HKDC1: variants seen among roughly 807,000 people sequenced by gnomAD.
The protein encoded by HKDC1 is hexokinase domain containing 1, also known as hexokinase HKDC1.
HKDC1 carries 66 observed loss-of-function variants against 96.6 expected under a neutral mutation model. The ratio of observed to expected loss-of-function variants is 0.68; its 90% CI spans 0.56 to 0.84. HKDC1 has a LOEUF of 0.84. Among genes scored for constraint, HKDC1 ranks in the 40% least tolerant of loss-of-function variants. The pLI is 0.00. For synonymous variants in HKDC1, 466 were observed against 473.1 expected, an observed-to-expected ratio of 0.98 and a Z score of 0.20; for missense variants, 1,211 against 1,208.1, an observed-to-expected ratio of 1.00 and a Z score of -0.04.
At chr10:69,259,856 T>A (rs935367238) in intron 15 of HKDC1, among the ~76,000 whole-genome samples, 3 of 152,172 alleles carry the variant, frequency 2.0e-5, no homozygotes, top group Non-Finnish European at 4.4e-5. Context: ...ACCCCCATGA[T>A]CCAGTCACCT....
chr10:69,245,937 C>A, intron 7 of HKDC1, 142 bp from the exon 8 acceptor site: 1 of 1,003,556 alleles, frequency 1.0e-6, no homozygotes, highest in Non-Finnish European at 1.5e-6. Context: ...TTCTTGCCAT[C>A]CAGCACTTTG....
At position 69,256,971 on chromosome 10, in the gene HKDC1, T is replaced by C. The variant is rs1202310848; in HGVS notation, c.1837-65T>C. Reference sequence around the variant, plus strand: ...GCTATAGTGCTTTGCATCTGTTGGATGTTGAGGTTGTGCAGTGGCCCTAGC... The same window carrying C: ...GCTATAGTGCTTTGCATCTGTTGGACGTTGAGGTTGTGCAGTGGCCCTAGC... On this transcript the variant is annotated intron_variant, in intron 12 of 17. Transcript: ENST00000354624. 36 of 1,181,974 alleles carry C rather than the reference T, an allele frequency of 3.0e-5. No individual in the cohort carries two copies. The Admixed American group carries it at 5.3e-4, about 17-fold the overall frequency. The allele number at this position is 1,181,974 out of a possible 1,614,324, so 73.2% of individuals were successfully genotyped here.
chr10:69,261,278 C>T lies in HKDC1; in HGVS notation c.2356C>T (p.Leu786=). ...CAGGGGCATCTTCGAAACCAAGTTC[C>T]TGTCCCAGATCGAAAGGTGACCTGT... ...RTRGIFETKF[L]SQIESDRLAL... The change falls in exon 16 of 18, where the codon CTG becomes TTG. Residue 786 remains leucine, a synonymous_variant. Coordinates refer to ENST00000354624, the MANE Select transcript of HKDC1 (RefSeq NM_025130.4). 6.2e-7 allele frequency: 1 copy of T among 1,614,078 alleles called. No individual in the cohort carries two copies.
intron 2 of HKDC1, among the ~76,000 whole-genome samples, chr10:69,230,321 G>A (rs550050974): frequency 1.2e-3 from 181 of 152,318 alleles, no homozygotes; most frequent in African/African-American, 4.1e-3. Context: ...AGGCCAAATA[G>A]GCCTTGGGGG....
In HKDC1 at chr10:69,267,080, G is replaced by A. The variant is rs1246157750; in HGVS notation, c.*323G>A. The A allele has an allele frequency of 1.7e-5, 4 of 237,760 alleles. No individual in the cohort carries two copies. The highest frequency in any genetic ancestry group is 3.3e-5 in the Non-Finnish European group (4 of 122,620). 14.7% of individuals were successfully genotyped at this position (237,760 alleles called of 1,614,324 possible). On this transcript the variant is annotated 3_prime_UTR_variant, in exon 18 of 18. Transcript: ENST00000354624. ...CTATGGCTTTCAGTCTTGTGGCTGCGGGACTTGGAAATATATAGAATCTGC... is the reference window on the plus strand; with the variant it reads ...CTATGGCTTTCAGTCTTGTGGCTGCAGGACTTGGAAATATATAGAATCTGC...
Position 69,247,706 on chromosome 10 carries a change from T to C in HKDC1, c.1265+113T>C, listed in dbSNP as rs546081827. On this transcript the variant is annotated intron_variant, in intron 9 of 17. Transcript: ENST00000354624. ...GGTCTGGAACCAACAACCCCTCTTGTTGGTTCTGAGATTACAAGGGAAAAG... is the reference window on the plus strand; with the variant it reads ...GGTCTGGAACCAACAACCCCTCTTGCTGGTTCTGAGATTACAAGGGAAAAG... 4.6e-4 allele frequency: 358 copies of C among 784,838 alleles called. 1 individual carries two copies. In the African/African-American group the frequency reaches 5.2e-3, roughly 12 times the overall value. 48.6% of individuals were successfully genotyped at this position (784,838 alleles called of 1,614,324 possible). A position where few individuals can be genotyped will look rare whatever the true frequency, so the allele number is the denominator to read the frequency against.
intron 12 of HKDC1, among the ~76,000 whole-genome samples, chr10:69,253,938 G>C (rs1843681873): frequency 1.3e-5 from 2 of 152,184 alleles, no homozygotes; most frequent in Non-Finnish European, 2.9e-5. Flanking sequence ...ATTTATGGTA[G>C]AACTCTGGTC....
At chr10:69,222,216 C>T (rs984756794) in intron 1 of HKDC1, among the ~76,000 whole-genome samples, 5 of 152,138 alleles carry the variant, frequency 3.3e-5, no homozygotes, top group Admixed American at 1.3e-4. Context: ...AATGAGACTC[C>T]GTCTCAAAAC....
chr10:69,221,958 A>G (rs1843072928), intron 1 of HKDC1, among the ~76,000 whole-genome samples: 1 of 152,260 alleles, frequency 6.6e-6, no homozygotes, highest in Admixed American at 6.5e-5. Context: ...ATGGTGGCTC[A>G]TACCTATAAT....
At chr10:69,257,776 T>C (rs1252654774) in intron 14 of HKDC1, among the ~76,000 whole-genome samples, 3 of 152,150 alleles carry the variant, frequency 2.0e-5, no homozygotes, top group Admixed American at 1.3e-4. Flanking sequence ...TGTGTGCCTC[T>C]TCTGTTCTCT....
chr10:69,248,415 CT>C lies in HKDC1; in HGVS notation c.1266-8del. ...ATTGCTAAATATTTTGCCATCACCC[CT>C]GCTTCAGGTACCCAAAACGCCTGCA... is the stretch of plus-strand genomic sequence containing the variant. On this transcript the variant is annotated splice_polypyrimidine_tract_variant and splice_region_variant and intron_variant, in intron 9 of 17. Transcript: ENST00000354624. 1.3e-6 allele frequency: 2 copies of C among 1,542,050 alleles called. No individual in the cohort carries two copies. The highest frequency in any genetic ancestry group is 1.8e-6 in the Non-Finnish European group (2 of 1,142,312).
At chr10:69,258,733 G>T in intron 14 of HKDC1, 43 bp from the exon 15 acceptor site, 1 of 1,597,256 alleles carries the variant, frequency 6.3e-7, no homozygotes, top group Non-Finnish European at 8.6e-7. Context: ...CTAAAACCTG[G>T]TGATGTCTTT....
chr10:69,232,423 G>A, intron 2 of HKDC1: 1 of 238,698 alleles, frequency 4.2e-6, no homozygotes, highest in Non-Finnish European at 8.2e-6. Flanking sequence ...TCCCAGTGAT[G>A]GCATCCCAGG....
rs1179089387 is a variant in HKDC1, at chr10:69,244,566, A to G, written c.875+1201A>G. 2.6e-5 allele frequency among the ~76,000 whole-genome samples: 4 copies of G among 152,182 alleles called. No homozygotes were observed. In the East Asian group the frequency reaches 7.7e-4, roughly 29 times the overall value. ...CCTGGTGGCTCATGCGTGTAATCCC[A>G]GCACTTTGGGAGGCTGAGGTGGGAG... On this transcript the variant is annotated intron_variant, in intron 7 of 17. Coordinates refer to ENST00000354624, the MANE Select transcript of HKDC1 (RefSeq NM_025130.4).
rs944481888 is a variant in HKDC1, at chr10:69,235,408, C to T, written c.495+2275C>T. On this transcript the variant is annotated intron_variant, in intron 4 of 17. Coordinates refer to ENST00000354624, the MANE Select transcript of HKDC1 (RefSeq NM_025130.4). ...CTGCATTCCAGCCTGGGTGACAGCG[C>T]GAGACTCTGTCAGAAACAAACAAAC... 5.3e-5 allele frequency among the ~76,000 whole-genome samples: 8 copies of T among 151,684 alleles called. No individual in the cohort carries two copies. In the East Asian group the frequency reaches 7.7e-4, roughly 15 times the overall value.
chr10:69,245,869 G>T (rs1843532622), intron 7 of HKDC1, among the ~76,000 whole-genome samples: 1 of 152,154 alleles, frequency 6.6e-6, no homozygotes, highest in Admixed American at 6.5e-5. Context: ...GTGAAATTGA[G>T]AGTCCCTATG....
chr10:69,248,903 C>T (rs1025795424), intron 10 of HKDC1, 175 bp downstream of exon 10: 16 of 608,578 alleles, frequency 2.6e-5, no homozygotes, highest in Non-Finnish European at 4.2e-5. Context: ...TAACCCAAGG[C>T]ATTTGCAGTA....
chr10:69,233,897 C>CAAA (rs1442651608), intron 4 of HKDC1, among the ~76,000 whole-genome samples: 13,583 of 61,522 alleles, frequency 0.22, 1,716 homozygotes, highest in Middle Eastern at 0.45. Flanking sequence ...GACTCCGTCT[C>CAAA]AAAAAAAAAA....
chr10:69,257,685 T>TGG (rs35748446), intron 14 of HKDC1, among the ~76,000 whole-genome samples: 35 of 150,658 alleles, frequency 2.3e-4, no homozygotes, highest in African/African-American at 6.1e-4. Context: ...CCAATTGTCA[T>TGG]GGGGGGGGGA....
Sources: gnomAD v4.1 joint callset for allele counts (sites outside exome capture counted in the v4.1 genomes callset) on GRCh38, gnomAD v4.1.1 for gene constraint, MANE v1.5 for transcripts, NCBI Gene and HGNC (gene_info 2026-07-23, HGNC 2026-07-21) for gene names.